The following TFPT variants were observed in gnomAD, a reference collection of about 807,000 sequenced individuals.
TFPT encodes INO80 complex subunit F.
TFPT carries 27 observed loss-of-function variants against 28.8 expected under a neutral mutation model. The ratio of observed to expected loss-of-function variants is 0.94; its 90% CI spans 0.69 to 1.29. The LOEUF is 1.29. Among genes scored for constraint, TFPT ranks in the 50% most tolerant of loss-of-function variants. TFPT has a pLI of 0.00. For synonymous variants in TFPT, 152 were observed against 142.8 expected (o/e 1.06, Z -0.46); for missense variants, 330 against 338.0 (o/e 0.98, Z 0.19).
At chr19:54,110,561 T>C (rs1182541290) in intron 2 of TFPT, among the ~76,000 whole-genome samples, 2 of 152,148 alleles carry the variant, frequency 1.3e-5, no homozygotes, top group African/African-American at 2.4e-5. Context: ...ACCCCATCTC[T>C]ACTAAAAATA....
Position 54,107,103 on chromosome 19 carries a change from C to T in TFPT, c.709G>A (p.Gly237Ser), listed in dbSNP as rs1283536632. Residue 237 changes from glycine (G) to serine (S), a missense_variant, in exon 6 of 6, where the codon GGT becomes AGT. Coordinates refer to ENST00000391759, the MANE Select transcript of TFPT (RefSeq NM_013342.4). Reference sequence around the variant, plus strand: ...GGGTAGGGCAGCAGTTTGTCTGGACCCCGAGAAACCCAACTGGAATCCAGG... The same window carrying T: ...GGGTAGGGCAGCAGTTTGTCTGGACTCCGAGAAACCCAACTGGAATCCAGG... ...EALDSSWVSR[G>S]PDKLLPYPTL... 1 of 1,613,680 alleles carries T rather than the reference C, an allele frequency of 6.2e-7. No individual in the cohort carries two copies.
chr19:54,108,569 G>A, intron 3 of TFPT, 174 bp from the exon 4 acceptor site: 1 of 1,594,188 alleles, frequency 6.3e-7, no homozygotes, highest in South Asian at 1.1e-5. Context: ...CCAGCCTTGA[G>A]ACCTCGAGCA....
chr19:54,109,793 T>TCCCAGCGCACA, intron 3 of TFPT, among the ~76,000 whole-genome samples: 1 of 126,682 alleles, frequency 7.9e-6, no homozygotes, highest in East Asian at 2.2e-4. Context: ...AGGGGGAGGA[T>TCCCAGCGCACA]GCCCTCCACC....
chr19:54,115,121 A>G (rs1476158066), intron 1 of TFPT, 126 bp downstream of exon 1: 1 of 1,434,646 alleles, frequency 7.0e-7, no homozygotes, highest in Non-Finnish European at 9.8e-7. Context: ...AAGGGTTCTA[A>G]GGTAAAGCAG....
rs140790988 is a variant in TFPT, at chr19:54,108,623, C to T, written c.354-228G>A. Reference sequence around the variant, plus strand: ...GAGGCTGAGTTTCCTGCTCTGCAAACGACATGACACCCTCGGCTGGATGTT... The same window carrying T: ...GAGGCTGAGTTTCCTGCTCTGCAAATGACATGACACCCTCGGCTGGATGTT... On this transcript the variant is annotated intron_variant, in intron 3 of 5. Transcript: ENST00000391759. 3.9e-4 allele frequency: 586 copies of T among 1,506,666 alleles called. 2 individuals carry two copies. In the African/African-American group the frequency reaches 5.8e-3, roughly 15 times the overall value. 93.3% of individuals were successfully genotyped at this position (1,506,666 alleles called of 1,614,324 possible). A position where few individuals can be genotyped will look rare whatever the true frequency, so the allele number is the denominator to read the frequency against.
chr19:54,112,582 A>T (rs1157807291), intron 2 of TFPT, among the ~76,000 whole-genome samples: 1 of 151,830 alleles, frequency 6.6e-6, no homozygotes, highest in Non-Finnish European at 1.5e-5. Context: ...TGAGGTCAGG[A>T]GTTCAAGACC....
intron 3 of TFPT, among the ~76,000 whole-genome samples, 176 bp downstream of exon 3, chr19:54,109,872 TCTC>T (rs2073399739): frequency 2.1e-4 from 7 of 33,694 alleles, no homozygotes; most frequent in Non-Finnish European, 4.8e-4. Context: ...TGCTCAGCCC[TCTC>T]CTCCAACACC....
chr19:54,110,169 ATTTG>A (rs775581444), intron 2 of TFPT, 48 bp from the exon 3 acceptor site: 6 of 1,604,848 alleles, frequency 3.7e-6, no homozygotes, highest in Non-Finnish European at 5.1e-6. Flanking sequence ...GCTCCCGTTC[ATTTG>A]TTTAACGGAT....
Position 54,110,420 on chromosome 19 carries a change from C to T in TFPT, c.283-299G>A, listed in dbSNP as rs186561371. ...CTGTTACCTGCTCAGAGAGCCTGAA[C>T]CTCCCATTAAGTCGAAACACACCAG... On this transcript the variant is annotated intron_variant, in intron 2 of 5. Coordinates refer to ENST00000391759, the MANE Select transcript of TFPT (RefSeq NM_013342.4). 8.9e-3 allele frequency among the ~76,000 whole-genome samples: 1,347 copies of T among 152,190 alleles called. 26 individuals carry two copies. The highest frequency in any genetic ancestry group is 0.031 in the African/African-American group (1,286 of 41,554).
chr19:54,114,850 C>T, intron 1 of TFPT, 150 bp from the exon 2 acceptor site: 2 of 1,120,900 alleles, frequency 1.8e-6, no homozygotes, highest in Non-Finnish European at 2.4e-6. Flanking sequence ...TAGAATCCAG[C>T]TCCCAGCCCT....
chr19:54,107,659 G>A, intron 5 of TFPT: 1 of 322,216 alleles, frequency 3.1e-6, no homozygotes, highest in Non-Finnish European at 5.6e-6. Context: ...CCCACACTGG[G>A]CCTTCCCTTC....
chr19:54,110,138 G>A lies in TFPT; in HGVS notation c.283-17C>T, dbSNP rs752923883. The A allele has an allele frequency of 6.2e-6, 10 of 1,613,660 alleles. No individual in the cohort carries two copies. The highest frequency in any genetic ancestry group is 4.0e-5 in the African/African-American group (3 of 74,918). ...CTCGTTCACCTATGGGGTGGGAAAC[G>A]CCCATCAGCTGGATCCCACGGCTCC... On this transcript the variant is annotated splice_polypyrimidine_tract_variant and intron_variant, in intron 2 of 5. Coordinates refer to ENST00000391759, the MANE Select transcript of TFPT (RefSeq NM_013342.4).
At chr19:54,111,454 G>A (rs587770040) in intron 2 of TFPT, among the ~76,000 whole-genome samples, 7 of 149,100 alleles carry the variant, frequency 4.7e-5, no homozygotes, top group Non-Finnish European at 8.9e-5. Context: ...GAGGTCGGGA[G>A]TTGCAGACCA....
intron 3 of TFPT, 71 bp from the exon 4 acceptor site, chr19:54,108,466 G>A (rs758257573): frequency 1.2e-6 from 2 of 1,613,756 alleles, no homozygotes; most frequent in South Asian, 2.2e-5. Flanking sequence ...CCACAGGATA[G>A]AGCTCAGCTC....
intron 1 of TFPT, chr19:54,114,974 C>A (rs1421624386): frequency 1.5e-6 from 1 of 661,476 alleles, no homozygotes; most frequent in Non-Finnish European, 2.5e-6. Flanking sequence ...CAGACTTTTT[C>A]TCTCCAAGGA....
Position 54,108,173 on chromosome 19 carries a change from T to C in TFPT, c.495A>G (p.Thr165=), listed in dbSNP as rs587667848. Residue 165 remains threonine, a synonymous_variant, in exon 5 of 6, where the codon ACA becomes ACG. Coordinates refer to ENST00000391759, the MANE Select transcript of TFPT (RefSeq NM_013342.4). ...NAENEPPEKE[T]LSPPRRTPAP... Reference sequence around the variant, plus strand: ...CAGGAGTCCTTCTGGGCGGGGACAGTGTCTCTTTCTCTGGAGGCTCATTCT... The same window carrying C: ...CAGGAGTCCTTCTGGGCGGGGACAGCGTCTCTTTCTCTGGAGGCTCATTCT... 2 of 1,593,964 alleles carry C rather than the reference T, an allele frequency of 1.3e-6. No homozygotes were observed. Among genetic ancestry groups the C allele is most frequent in the East Asian group, 4.5e-5 (2 of 44,636 alleles).
chr19:54,114,397 T>A (rs760625752), intron 2 of TFPT, 45 bp downstream of exon 2: 1 of 1,578,206 alleles, frequency 6.3e-7, no homozygotes, highest in Non-Finnish European at 8.6e-7. Flanking sequence ...GGGGCGGTAG[T>A]TTAGGCCAGG....
chr19:54,115,540 A>G lies in TFPT; in HGVS notation c.-271T>C. 1 of 583,072 alleles carries G rather than the reference A, an allele frequency of 1.7e-6. No homozygotes were observed. Among genetic ancestry groups the G allele is most frequent in the South Asian group, 2.1e-5 (1 of 47,192 alleles). The allele number at this position is 583,072 out of a possible 1,614,324, so 36.1% of individuals were successfully genotyped here. On this transcript the variant is annotated 5_prime_UTR_variant, in exon 1 of 6. Transcript: ENST00000391759. ...TGCCAACGTCTTTCTTCTTGTCTCG[A>G]CGCCCCGTCGTCCGGCCACAGCGAT...
intron 2 of TFPT, among the ~76,000 whole-genome samples, chr19:54,113,463 A>G (rs2073513134): frequency 6.6e-6 from 1 of 152,206 alleles, no homozygotes; most frequent in African/African-American, 2.4e-5. Flanking sequence ...ACTGTCAGAC[A>G]GGAATTTCTG....
Sources: allele counts gnomAD v4.1 joint callset (sites outside exome capture counted in the v4.1 genomes callset), GRCh38; gene constraint gnomAD v4.1.1; transcripts MANE v1.5; gene names NCBI Gene and HGNC (gene_info 2026-07-23, HGNC 2026-07-21).